The following DLG1 variants were observed in gnomAD, a reference collection of about 807,000 sequenced individuals.
The protein encoded by DLG1 is discs large MAGUK scaffold protein 1.
A neutral mutation model predicts 123.4 loss-of-function variants in DLG1; 42 were observed. That is an observed-to-expected ratio of 0.34 (90% confidence interval 0.27 to 0.44). DLG1 has a LOEUF of 0.44. Among genes scored for constraint, DLG1 ranks in the 20% least tolerant of loss-of-function variants. The probability of loss-of-function intolerance (pLI) is 1.00; values close to 1 mark genes in which losing one functional copy is unlikely to be tolerated. For missense variants in DLG1, 942 were observed against 1,082.6 expected (o/e 0.87, Z 1.82); for synonymous variants, 317 against 356.2 (o/e 0.89, Z 1.24).
chr3:197,230,941 T>C (rs965115882), intron 4 of DLG1, among the ~76,000 whole-genome samples: 19 of 152,218 alleles, frequency 1.2e-4, no homozygotes, highest in Non-Finnish European at 1.5e-4. Flanking sequence ...GCTTTACATA[T>C]AGTATGTTAT....
At chr3:197,266,813 A>T (rs1025032354) in intron 4 of DLG1, among the ~76,000 whole-genome samples, 3 of 152,204 alleles carry the variant, frequency 2.0e-5, no homozygotes, top group African/African-American at 7.2e-5. Context: ...TAATCATATC[A>T]GTGAACTGCA....
intron 3 of DLG1, among the ~76,000 whole-genome samples, chr3:197,283,957 G>A (rs1770612690): frequency 1.3e-5 from 2 of 150,554 alleles, no homozygotes; most frequent in Admixed American, 1.3e-4. Flanking sequence ...CACCTCCTGG[G>A]TTCATGCGAT....
chr3:197,188,991 C>T (rs903929137), intron 5 of DLG1, among the ~76,000 whole-genome samples: 1 of 152,206 alleles, frequency 6.6e-6, no homozygotes, highest in Non-Finnish European at 1.5e-5. Flanking sequence ...GCATCTGCCA[C>T]AGTAACCTAG....
intron 4 of DLG1, among the ~76,000 whole-genome samples, chr3:197,204,391 A>G (rs1198405632): frequency 6.6e-6 from 1 of 152,158 alleles, no homozygotes; most frequent in Non-Finnish European, 1.5e-5. Context: ...ATCCAGACAA[A>G]CTGTTTTCAA....
rs1470808486 is a variant in DLG1 at position 197,149,794 on chromosome 3, T to G, written c.486A>C (p.Ala162=). The part of the protein sequence containing the change: ...VSHSHISPIK[A]NPPPVLVNTD... The stretch of plus-strand genomic sequence containing the variant: ...TGTTGACCAGTACTGGGGGAGGATT[T>G]GCCTTTAAGAAGAAATTGTAAATGT... Residue 162 remains alanine (A), a splice_region_variant and synonymous_variant, in exon 6 of 25, where the codon GCA becomes GCC. Transcript: ENST00000667157. 1 of 1,584,350 alleles carries G rather than the reference T, an allele frequency of 6.3e-7. No homozygotes were observed.
chr3:197,167,070 G>A (rs913487341), intron 5 of DLG1, among the ~76,000 whole-genome samples: 1 of 152,080 alleles, frequency 6.6e-6, no homozygotes, highest in Admixed American at 6.5e-5. Flanking sequence ...TTGGCTTGAA[G>A]GGCTGCCACT....
intron 10 of DLG1, among the ~76,000 whole-genome samples, chr3:197,135,365 T>C (rs1283013494): frequency 6.6e-6 from 1 of 152,084 alleles, no homozygotes. Context: ...TGATAGTGAG[T>C]GAGTCTCATG....
chr3:197,273,210 GTATGTGTGTGTA>G (rs1485867650), intron 4 of DLG1, among the ~76,000 whole-genome samples: 1 of 150,646 alleles, frequency 6.6e-6, no homozygotes. Context: ...GTGTGTGTGT[GTATGTGTGTGTA>G]TATATATATA....
intron 5 of DLG1, chr3:197,161,657 G>C: frequency 6.5e-7 from 1 of 1,545,242 alleles, no homozygotes; most frequent in East Asian, 2.5e-5. Context: ...ATGGTGGGTA[G>C]GATGACAGTA....
At position 197,201,256 on chromosome 3, in the gene DLG1, C is replaced by T. The variant is rs113918881; in HGVS notation, c.319-6667G>A. Among the ~76,000 whole-genome samples, 1,223 of 152,228 alleles carry T rather than the reference C, an allele frequency of 8.0e-3. 13 individuals are homozygous for T. The highest frequency in any genetic ancestry group is 0.027 in the African/African-American group (1,117 of 41,530). ...AAATTTAGCTGGGCATGGTGGCAGG[C>T]GTCTGTAGTCCCAGCTACTCGGGAG... On this transcript the variant is annotated intron_variant, in intron 4 of 24. Transcript: ENST00000667157.
At chr3:197,183,776 T>C (rs191012109) in intron 5 of DLG1, 32 of 1,550,416 alleles carry the variant, frequency 2.1e-5, no homozygotes, top group Admixed American at 5.9e-5. Flanking sequence ...CGCGAGAGTA[T>C]AGAAGTGTGT....
chr3:197,220,810 C>G (rs1736583832), intron 4 of DLG1, among the ~76,000 whole-genome samples: 1 of 152,098 alleles, frequency 6.6e-6, no homozygotes, highest in African/African-American at 2.4e-5. Flanking sequence ...GAACAGTACC[C>G]TAAAGATACT....
chr3:197,140,381 A>G, intron 7 of DLG1, 117 bp from the exon 8 acceptor site: 1 of 988,414 alleles, frequency 1.0e-6, no homozygotes, highest in Admixed American at 2.5e-5. Context: ...ATAAAGGTAT[A>G]TGGGTGAGTA....
intron 5 of DLG1, among the ~76,000 whole-genome samples, chr3:197,190,553 T>C (rs764156569): frequency 1.1e-4 from 16 of 152,210 alleles, no homozygotes; most frequent in Non-Finnish European, 1.9e-4. Context: ...TCAACTATAG[T>C]AGCCGTAATA....
rs140380363 is a variant in DLG1 at position 197,047,396 on chromosome 3, T to A, written c.2576-2667A>T. 3.0e-3 allele frequency among the ~76,000 whole-genome samples: 459 copies of A among 152,226 alleles called. 4 individuals carry two copies. Among genetic ancestry groups the A allele is most frequent in the African/African-American group, 0.011 (452 of 41,516 alleles). On this transcript the variant is annotated intron_variant, in intron 24 of 24. Coordinates refer to ENST00000667157, the MANE Select transcript of DLG1 (RefSeq NM_001366207.1). Reference sequence around the variant, plus strand: ...ACTATTCTTGTAACTTCTATTTAAGTCTGAAATTAGTTTGAAAAAAATAAG... The same window carrying A: ...ACTATTCTTGTAACTTCTATTTAAGACTGAAATTAGTTTGAAAAAAATAAG...
At position 197,082,201 on chromosome 3, in the gene DLG1, C is replaced by CTCTACTAAAA. The variant is rs540815526; in HGVS notation, c.1839-1094_1839-1085dup. Among the ~76,000 whole-genome samples, 194 of 152,144 alleles carry CTCTACTAAAA rather than the reference C, an allele frequency of 1.3e-3. 1 individual carries two copies. Among genetic ancestry groups the CTCTACTAAAA allele is most frequent in the Middle Eastern group, 3.4e-3 (1 of 294 alleles). On this transcript the variant is annotated intron_variant, in intron 16 of 24. Transcript: ENST00000667157. ...TCTGGCCAACATGGTGAAACCCTGTCTCTACTAAAAATATAAAAATTAGCT... is the reference window on the plus strand; with the variant it reads ...TCTGGCCAACATGGTGAAACCCTGTCTCTACTAAAATCTACTAAAAATATAAAAATTAGCT...
chr3:197,235,683 T>C (rs1331736066), intron 4 of DLG1, among the ~76,000 whole-genome samples: 1 of 152,188 alleles, frequency 6.6e-6, no homozygotes, highest in Non-Finnish European at 1.5e-5. Flanking sequence ...AACAACAGTA[T>C]TTTCCAGAGA....
At chr3:197,076,445 T>C (rs1747331849) in intron 18 of DLG1, 141 bp downstream of exon 18, 1 of 515,970 alleles carries the variant, frequency 1.9e-6, no homozygotes, top group Admixed American at 3.4e-5. Flanking sequence ...TACAAATTAA[T>C]TTATAACTGT....
chr3:197,200,067 A>G (rs984125238), intron 4 of DLG1, among the ~76,000 whole-genome samples: 1 of 152,186 alleles, frequency 6.6e-6, no homozygotes, highest in Admixed American at 6.5e-5. Flanking sequence ...ACATATAGGA[A>G]TGTGACTAAA....
Sources: allele counts gnomAD v4.1 joint callset (sites outside exome capture counted in the v4.1 genomes callset), GRCh38; gene constraint gnomAD v4.1.1; transcripts MANE v1.5; gene names NCBI Gene and HGNC (gene_info 2026-07-23, HGNC 2026-07-21).